CSMD1: variants seen among roughly 807,000 people sequenced by gnomAD.
CSMD1 encodes CUB and sushi domain-containing protein 1.
CSMD1 carries 213 observed loss-of-function variants against 417.5 expected under a neutral mutation model. The observed-to-expected ratio is 0.51, with a 90% CI of 0.46 to 0.57. CSMD1 has a LOEUF of 0.57. Among genes scored for constraint, CSMD1 ranks in the 20% least tolerant of loss-of-function variants. The pLI, the probability that CSMD1 is intolerant of heterozygous loss-of-function variation, is 0.00. For synonymous variants in CSMD1, 2,862 were observed against 1,736.8 expected, an observed-to-expected ratio of 1.65 and a Z score of -16.11; for missense variants, 6,923 against 4,529.7, an observed-to-expected ratio of 1.53 and a Z score of -15.17.
intron 26 of CSMD1, among the ~76,000 whole-genome samples, chr8:3,282,559 A>G (rs935593910): frequency 1.3e-5 from 2 of 151,918 alleles, no homozygotes; most frequent in Non-Finnish European, 2.9e-5. Flanking sequence ...AAAAAACAAG[A>G]GTGATATAAT....
At chr8:4,596,516 C>A (rs1800286706) in intron 2 of CSMD1, among the ~76,000 whole-genome samples, 1 of 151,896 alleles carries the variant, frequency 6.6e-6, no homozygotes, top group African/African-American at 2.4e-5. Flanking sequence ...GACTCTGTTC[C>A]TTAACAGTAT....
intron 3 of CSMD1, among the ~76,000 whole-genome samples, chr8:4,183,624 A>C (rs997492851): frequency 7.9e-5 from 12 of 152,248 alleles, no homozygotes; most frequent in Non-Finnish European, 1.5e-4. Flanking sequence ...TGATTCTGTC[A>C]AATTGATAAG....
At chr8:3,037,928 C>T (rs1810802435) in intron 50 of CSMD1, among the ~76,000 whole-genome samples, 2 of 152,154 alleles carry the variant, frequency 1.3e-5, no homozygotes, top group South Asian at 4.1e-4. Flanking sequence ...CTTAGGGTTT[C>T]GAATCACCAG....
At chr8:4,361,154 T>G (rs892319241) in intron 3 of CSMD1, among the ~76,000 whole-genome samples, 7 of 152,194 alleles carry the variant, frequency 4.6e-5, no homozygotes, top group Non-Finnish European at 8.8e-5. Flanking sequence ...TTATCATTTG[T>G]AGAATGGGCT....
chr8:3,070,410 C>T (rs891774616), intron 49 of CSMD1, among the ~76,000 whole-genome samples: 1 of 152,190 alleles, frequency 6.6e-6, no homozygotes, highest in African/African-American at 2.4e-5. Context: ...CATTTATTTG[C>T]TCCTGTATTT....
chr8:4,061,175 T>C (rs1412691611), intron 3 of CSMD1, among the ~76,000 whole-genome samples: 1 of 152,166 alleles, frequency 6.6e-6, no homozygotes, highest in Non-Finnish European at 1.5e-5. Context: ...GGAAAATCCC[T>C]CAGCTGCAGT....
chr8:4,059,214 G>C, intron 3 of CSMD1, among the ~76,000 whole-genome samples: 1 of 152,062 alleles, frequency 6.6e-6, no homozygotes, highest in Non-Finnish European at 1.5e-5. Context: ...ACGAAATGAA[G>C]GCAGAAATAA....
At chr8:3,739,021 GTCTT>G (rs1243537047) in intron 6 of CSMD1, among the ~76,000 whole-genome samples, 2 of 152,116 alleles carry the variant, frequency 1.3e-5, no homozygotes, top group Non-Finnish European at 2.9e-5. Flanking sequence ...TTGTAACTAT[GTCTT>G]TCTTTTTTCT....
In CSMD1 at chr8:4,624,018, ACTAAAGGACTCATTCATCAAG is replaced by A. The variant is rs1801943254; in HGVS notation, c.302+13303_302+13323del. On this transcript the variant is annotated intron_variant, in intron 2 of 69. Transcript: ENST00000635120. Reference sequence around the variant, plus strand: ...ATACCTTTAAATGTGAATAATTGTAACTAAAGGACTCATTCATCAAGCTAGTATTCAAAATGACTATCTCTA... The same window carrying A: ...ATACCTTTAAATGTGAATAATTGTAACTAGTATTCAAAATGACTATCTCTA... 3.9e-5 allele frequency among the ~76,000 whole-genome samples: 6 copies of A among 152,248 alleles called. No homozygotes were observed. The South Asian group carries it at 1.2e-3, about 32-fold the overall frequency.
At chr8:3,082,825 C>T (rs1487752653) in intron 49 of CSMD1, among the ~76,000 whole-genome samples, 1 of 152,192 alleles carries the variant, frequency 6.6e-6, no homozygotes, top group Admixed American at 6.5e-5. Flanking sequence ...GGACAGTGTG[C>T]TTGAAGCCTA....
rs1219193699 is a variant in CSMD1, at chr8:4,218,664, G to A, written c.416-186565C>T. Among the ~76,000 whole-genome samples, 4 of 152,132 alleles carry A rather than the reference G, an allele frequency of 2.6e-5. No homozygotes were observed. In the East Asian group the frequency reaches 7.7e-4, roughly 29 times the overall value. ...TGATTTCAGTATTAGTGGGACAGTGGTTAGGCTCTAAAGCTTGGATACATC... is the reference window on the plus strand; with the variant it reads ...TGATTTCAGTATTAGTGGGACAGTGATTAGGCTCTAAAGCTTGGATACATC... On this transcript the variant is annotated intron_variant, in intron 3 of 69. Transcript: ENST00000635120.
rs59360514 is a variant in CSMD1 at position 3,941,648 on chromosome 8, T to A, written c.818+56255A>T. On this transcript the variant is annotated intron_variant, in intron 5 of 69. Coordinates refer to ENST00000635120, the MANE Select transcript of CSMD1 (RefSeq NM_033225.6). Reference sequence around the variant, plus strand: ...GACTTAATGAAAAAAATTAAACTCTTTTTCAACTGCAAGCCCACGCAGAGT... The same window carrying A: ...GACTTAATGAAAAAAATTAAACTCTATTTCAACTGCAAGCCCACGCAGAGT... Among the ~76,000 whole-genome samples, 789 of 152,258 alleles carry A rather than the reference T, an allele frequency of 5.2e-3. 8 individuals are homozygous for A. Among genetic ancestry groups the A allele is most frequent in the African/African-American group, 0.018 (762 of 41,554 alleles).
chr8:4,712,932 C>G (rs183921874), intron 1 of CSMD1, among the ~76,000 whole-genome samples: 1 of 152,200 alleles, frequency 6.6e-6, no homozygotes, highest in East Asian at 1.9e-4. Flanking sequence ...ACATACAAGT[C>G]TCGCAATTAG....
chr8:3,560,181 T>C (rs73505750), intron 10 of CSMD1, among the ~76,000 whole-genome samples: 7,304 of 152,186 alleles, frequency 0.048, 635 homozygotes, highest in African/African-American at 0.17. Context: ...GGAAGAGCCC[T>C]TGAAATAATG....
intron 3 of CSMD1, among the ~76,000 whole-genome samples, chr8:4,298,574 T>G (rs11989643): frequency 0.021 from 3,165 of 152,256 alleles, 111 homozygotes; most frequent in African/African-American, 0.072. Flanking sequence ...TGAATTTATG[T>G]AAATTTACAA....
chr8:4,006,922 G>A (rs1348074180), intron 4 of CSMD1, among the ~76,000 whole-genome samples: 2 of 146,634 alleles, frequency 1.4e-5, no homozygotes, highest in African/African-American at 5.1e-5. Flanking sequence ...CCGCCTCCTG[G>A]GTTCAAGCGA....
intron 2 of CSMD1, among the ~76,000 whole-genome samples, chr8:4,503,783 A>G (rs1408137736): frequency 1.3e-5 from 2 of 152,084 alleles, no homozygotes; most frequent in Non-Finnish European, 2.9e-5. Context: ...ACTATCAGGC[A>G]CTGTGACAAT....
chr8:3,280,679 T>G (rs1802665370), intron 26 of CSMD1, among the ~76,000 whole-genome samples: 1 of 151,802 alleles, frequency 6.6e-6, no homozygotes, highest in South Asian at 2.1e-4. Context: ...AAAATGACAA[T>G]TTCATATGAT....
At chr8:3,294,694 G>A (rs1226414464) in intron 25 of CSMD1, among the ~76,000 whole-genome samples, 1 of 152,210 alleles carries the variant, frequency 6.6e-6, no homozygotes, top group East Asian at 1.9e-4. Flanking sequence ...TAGGGTGGGA[G>A]TGACCCGATT....
Sources: gnomAD v4.1 joint callset for allele counts (sites outside exome capture counted in the v4.1 genomes callset) on GRCh38, gnomAD v4.1.1 for gene constraint, MANE v1.5 for transcripts, NCBI Gene and HGNC (gene_info 2026-07-23, HGNC 2026-07-21) for gene names.